Variants in CSMD3 observed in about 807,000 individuals in gnomAD.
The protein encoded by CSMD3 is CUB and sushi domain-containing protein 3.
Under a neutral mutation model 435.2 loss-of-function variants are expected in CSMD3, and 177 were observed. That is an observed-to-expected ratio of 0.41 (90% confidence interval 0.36 to 0.46). The LOEUF (loss-of-function observed/expected upper bound fraction) is 0.46. Among genes scored for constraint, CSMD3 ranks in the 20% least tolerant of loss-of-function variants. The probability of loss-of-function intolerance (pLI) is 0.34; values close to 1 mark genes in which losing one functional copy is unlikely to be tolerated. For synonymous variants in CSMD3, 1,656 were observed against 1,520.5 expected (o/e 1.09, Z -2.07); for missense variants, 4,265 against 4,504.6 (o/e 0.95, Z 1.52).
chr8:112,772,979 G>A (rs183657330), intron 13 of CSMD3, among the ~76,000 whole-genome samples: 2,245 of 152,026 alleles, frequency 0.015, 22 homozygotes, highest in Middle Eastern at 0.031. Context: ...TAAATACTAA[G>A]GGAACTCAGA....
At chr8:112,657,873 T>C (rs969695421) in intron 17 of CSMD3, among the ~76,000 whole-genome samples, 1 of 152,238 alleles carries the variant, frequency 6.6e-6, no homozygotes, top group African/African-American at 2.4e-5. Context: ...GCTTTTGTGA[T>C]ACTAATCACA....
At chr8:113,370,637 G>C (rs1204506840) in intron 1 of CSMD3, among the ~76,000 whole-genome samples, 1 of 151,786 alleles carries the variant, frequency 6.6e-6, no homozygotes, top group Non-Finnish European at 1.5e-5. Context: ...TCATTTCTCA[G>C]TTATTTTACT....
intron 13 of CSMD3, among the ~76,000 whole-genome samples, chr8:112,738,186 T>C (rs2077227056): frequency 6.6e-6 from 1 of 151,748 alleles, no homozygotes; most frequent in African/African-American, 2.4e-5. Context: ...TCTGAGGGCT[T>C]TTTTGAATTA....
At chr8:113,377,906 C>T (rs999720099) in intron 1 of CSMD3, among the ~76,000 whole-genome samples, 3 of 152,030 alleles carry the variant, frequency 2.0e-5, no homozygotes, top group African/African-American at 7.2e-5. Flanking sequence ...AAACGAGGAG[C>T]ACGCCTGAAA....
At chr8:113,261,035 A>G (rs2093422885) in intron 3 of CSMD3, among the ~76,000 whole-genome samples, 1 of 152,154 alleles carries the variant, frequency 6.6e-6, no homozygotes, top group South Asian at 2.1e-4. Context: ...CAAGAAACAT[A>G]CATGTGCATG....
intron 9 of CSMD3, among the ~76,000 whole-genome samples, chr8:112,936,559 C>A (rs567800091): frequency 6.6e-6 from 1 of 152,130 alleles, no homozygotes; most frequent in Non-Finnish European, 1.5e-5. Context: ...TTAATCGTGA[C>A]ACTAGAAGGA....
intron 6 of CSMD3, among the ~76,000 whole-genome samples, chr8:113,014,759 C>T (rs1038323777): frequency 6.6e-6 from 1 of 152,042 alleles, no homozygotes; most frequent in African/African-American, 2.4e-5. Flanking sequence ...GAAGGTCTTT[C>T]TAGGTAGTGG....
intron 2 of CSMD3, among the ~76,000 whole-genome samples, chr8:113,307,902 A>T (rs971062835): frequency 2.0e-5 from 3 of 152,170 alleles, no homozygotes; most frequent in African/African-American, 7.2e-5. Context: ...AGCTTAGAAA[A>T]GCTATTTGGC....
chr8:112,338,803 C>A lies in CSMD3; in HGVS notation c.6653-1072G>T, dbSNP rs77091953. ...ACACAAAAATATATTAGAAAGAGTT[C>A]TTATTCCAACTTAAGACAAATGTGT... On this transcript the variant is annotated intron_variant, in intron 42 of 70. Transcript: ENST00000297405. Among the ~76,000 whole-genome samples the A allele has an allele frequency of 8.5e-3, 1,291 of 152,130 alleles. 10 individuals carry two copies. The highest frequency in any genetic ancestry group is 0.013 in the Non-Finnish European group (865 of 67,974).
chr8:112,724,334 G>T (rs112179858), intron 13 of CSMD3, among the ~76,000 whole-genome samples: 15 of 151,972 alleles, frequency 9.9e-5, no homozygotes, highest in African/African-American at 3.6e-4. Flanking sequence ...CTTAATCCTG[G>T]TGCCTGATGA....
chr8:112,280,661 C>CA (rs1818542639), intron 59 of CSMD3, among the ~76,000 whole-genome samples: 1 of 151,994 alleles, frequency 6.6e-6, no homozygotes, highest in African/African-American at 2.4e-5. Context: ...ACACATTTTT[C>CA]AAAAATTTCT....
At chr8:113,246,977 G>T (rs1172783578) in intron 3 of CSMD3, among the ~76,000 whole-genome samples, 1 of 152,164 alleles carries the variant, frequency 6.6e-6, no homozygotes, top group Non-Finnish European at 1.5e-5. Flanking sequence ...TTCACTTCCT[G>T]CTGGTGGAGG....
intron 38 of CSMD3, among the ~76,000 whole-genome samples, chr8:112,357,337 T>C (rs904062252): frequency 6.6e-6 from 1 of 152,188 alleles, no homozygotes; most frequent in African/African-American, 2.4e-5. Context: ...GGGCAAAGCA[T>C]TCAAGACATG....
chr8:112,751,086 AT>A lies in CSMD3; in HGVS notation c.1972+49075del, dbSNP rs201092737. ...AGTAGCTTTGTATTAAAAAAAAAAA[AT>A]AGAATTATTTTGATGTTTACTAAAA... On this transcript the variant is annotated intron_variant, in intron 13 of 70. Transcript: ENST00000297405. 4.2e-3 allele frequency among the ~76,000 whole-genome samples: 611 copies of A among 147,172 alleles called. 14 individuals are homozygous for A. The East Asian group carries it at 0.076, about 18-fold the overall frequency.
chr8:113,000,381 C>G (rs952225996), intron 6 of CSMD3, among the ~76,000 whole-genome samples: 2 of 151,946 alleles, frequency 1.3e-5, no homozygotes, highest in African/African-American at 4.8e-5. Flanking sequence ...GCTTTCAGAG[C>G]ATGTCATATA....
At chr8:112,253,096 T>C (rs887990716) in intron 63 of CSMD3, among the ~76,000 whole-genome samples, 3 of 151,950 alleles carry the variant, frequency 2.0e-5, no homozygotes, top group Non-Finnish European at 4.4e-5. Context: ...CCTGATTTAG[T>C]ACACCGACAC....
chr8:113,313,180 G>A (rs2093883412), intron 2 of CSMD3: 2 of 152,082 alleles, frequency 1.3e-5, no homozygotes, highest in Non-Finnish European at 2.9e-5. Flanking sequence ...TTTAAACAGA[G>A]GTAGCGTAGA....
At chr8:112,504,240 A>G (rs978195058) in intron 29 of CSMD3, among the ~76,000 whole-genome samples, 1 of 152,120 alleles carries the variant, frequency 6.6e-6, no homozygotes, top group East Asian at 1.9e-4. Flanking sequence ...AATATAAGTG[A>G]TTGTAAGACA....
chr8:112,789,082 T>C (rs2132280362), intron 13 of CSMD3, among the ~76,000 whole-genome samples: 1 of 152,234 alleles, frequency 6.6e-6, no homozygotes, highest in East Asian at 1.9e-4. Context: ...ATTTGTTTTT[T>C]AATAAAAATT....
Sources: allele counts gnomAD v4.1 joint callset (sites outside exome capture counted in the v4.1 genomes callset), GRCh38; gene constraint gnomAD v4.1.1; transcripts MANE v1.5; gene names NCBI Gene and HGNC (gene_info 2026-07-23, HGNC 2026-07-21).